The following CDH2 variants were observed in gnomAD, a reference collection of about 807,000 sequenced individuals.
CDH2 encodes the protein cadherin-2.
Under a neutral mutation model 92.0 loss-of-function variants are expected in CDH2, and 17 were observed. That is an observed-to-expected ratio of 0.18 (90% CI 0.13 to 0.28). The LOEUF (loss-of-function observed/expected upper bound fraction) is 0.28, where lower values mean the gene tolerates loss of function less well. Ranked by LOEUF, CDH2 falls within the 10% of genes least tolerant of loss-of-function variation. CDH2 has a pLI of 1.00. For missense variants in CDH2, 862 were observed against 1,133.1 expected (o/e 0.76, Z 3.44); for synonymous variants, 419 against 415.9 (o/e 1.01, Z -0.09).
At chr18:27,949,231 T>C (rs1178679080), downstream of CDH2, among the ~76,000 whole-genome samples, 1 of 152,036 alleles carries the variant, frequency 6.6e-6, no homozygotes, top group Non-Finnish European at 1.5e-5. Context: ...AGGAAGTTAC[T>C]GGCTTTTAGA....
intron 14 of CDH2, among the ~76,000 whole-genome samples, chr18:27,982,251 G>A (rs1198539068): frequency 2.0e-5 from 3 of 152,190 alleles, no homozygotes; most frequent in African/African-American, 2.4e-5. Context: ...CAGAGCAGAT[G>A]GAGATTTTTG....
At chr18:28,023,877 G>A (rs952764833) in intron 2 of CDH2, among the ~76,000 whole-genome samples, 2 of 152,030 alleles carry the variant, frequency 1.3e-5, no homozygotes, top group Admixed American at 6.6e-5. Context: ...ATGCTAACAC[G>A]GCTCCTTTTC....
At chr18:28,156,422 AATGTCACCTTCCCAGGTATAGC>A (rs1568020381) in intron 1 of CDH2, among the ~76,000 whole-genome samples, 2,250 of 118,398 alleles carry the variant, frequency 0.019, 492 homozygotes, top group African/African-American at 0.064. Flanking sequence ...CCAGGTACAG[AATGTCACCTTCCCAGGTATAGC>A]ATGTCACCTT....
Position 27,985,682 on chromosome 18 carries a change from A to G in CDH2, c.1821T>C (p.Pro607=), listed in dbSNP as rs771815480. ...GAGTTTCGCAAGTCTCTGCCTCTTG[A>G]GGTAACACTTGAGGGGCATTGTCAT... The part of the protein sequence containing the change: ...DINDNAPQVL[P]QEAETCETPD... The change falls in exon 12 of 16, where the codon CCT becomes CCC. Residue 607 remains proline, a synonymous_variant. Coordinates refer to ENST00000269141, the MANE Select transcript of CDH2 (RefSeq NM_001792.5). 3.1e-6 allele frequency: 5 copies of G among 1,613,940 alleles called. No individual in the cohort carries two copies. Among genetic ancestry groups the G allele is most frequent in the Non-Finnish European group, 4.2e-6 (5 of 1,179,826 alleles).
intron 7 of CDH2, among the ~76,000 whole-genome samples, chr18:28,001,753 C>T (rs1245521665): frequency 4.7e-4 from 72 of 152,222 alleles, no homozygotes; most frequent in Non-Finnish European, 1.5e-5. Flanking sequence ...TCAGAATAAA[C>T]TAATCTTTAT....
At chr18:28,070,791 T>A (rs2014602467) in intron 2 of CDH2, among the ~76,000 whole-genome samples, 1 of 152,180 alleles carries the variant, frequency 6.6e-6, no homozygotes, top group South Asian at 2.1e-4. Context: ...TAAGGCAGCA[T>A]GTCAGGAAAT....
At chr18:27,955,392 G>A (rs200507173) in intron 15 of CDH2, among the ~76,000 whole-genome samples, 30 of 57,840 alleles carry the variant, frequency 5.2e-4, no homozygotes, top group Admixed American at 1.2e-3. Flanking sequence ...AAAAGAAAAA[G>A]AAAGAAAAAG....
intron 2 of CDH2, among the ~76,000 whole-genome samples, chr18:28,100,191 G>A (rs1181698557): frequency 6.6e-6 from 1 of 152,040 alleles, no homozygotes; most frequent in Non-Finnish European, 1.5e-5. Context: ...GTTTTGGGAT[G>A]AAATTAACAG....
At chr18:28,096,665 G>A (rs2015140280) in intron 2 of CDH2, among the ~76,000 whole-genome samples, 1 of 152,014 alleles carries the variant, frequency 6.6e-6, no homozygotes, top group African/African-American at 2.4e-5. Flanking sequence ...ATCAAATCAG[G>A]GAAGAATGTT....
intron 14 of CDH2, 113 bp from the exon 15 acceptor site, chr18:27,963,634 T>C (rs2011466266): frequency 1.1e-6 from 1 of 880,754 alleles, no homozygotes; most frequent in Non-Finnish European, 1.7e-6. Context: ...AAATTTAACA[T>C]AATGGAAAAG....
intron 15 of CDH2, among the ~76,000 whole-genome samples, chr18:27,960,146 C>T (rs1224114211): frequency 6.6e-6 from 1 of 152,144 alleles, no homozygotes; most frequent in Non-Finnish European, 1.5e-5. Context: ...GTGCCCCATA[C>T]TGGCCCCTCC....
chr18:27,997,845 C>G (rs932530953), intron 7 of CDH2, among the ~76,000 whole-genome samples: 1 of 151,728 alleles, frequency 6.6e-6, no homozygotes, highest in Non-Finnish European at 1.5e-5. Context: ...CTCACTCTGT[C>G]GCCCAGGCTG....
At chr18:27,992,096 G>T (rs2012434247) in intron 9 of CDH2, among the ~76,000 whole-genome samples, 1 of 152,148 alleles carries the variant, frequency 6.6e-6, no homozygotes, top group Non-Finnish European at 1.5e-5. Flanking sequence ...AAATGCAAGA[G>T]CTTTCTAAAA....
chr18:28,035,513 G>C (rs914744128), intron 2 of CDH2, among the ~76,000 whole-genome samples: 1 of 151,914 alleles, frequency 6.6e-6, no homozygotes, highest in Admixed American at 6.6e-5. Context: ...TGTTAACAGA[G>C]ACCTCTCATT....
At chr18:28,079,933 G>GAA (rs1174382879) in intron 2 of CDH2, among the ~76,000 whole-genome samples, 1 of 152,120 alleles carries the variant, frequency 6.6e-6, no homozygotes, top group Non-Finnish European at 1.5e-5. Flanking sequence ...TTAGCAAGTG[G>GAA]AAACATGAGG....
At chr18:27,958,148 C>T (rs2011297372) in intron 15 of CDH2, among the ~76,000 whole-genome samples, 1 of 152,160 alleles carries the variant, frequency 6.6e-6, no homozygotes, top group South Asian at 2.1e-4. Context: ...AGGCAAGGAT[C>T]TTGACCTTGT....
intron 2 of CDH2, among the ~76,000 whole-genome samples, chr18:28,016,383 C>T (rs907039164): frequency 1.3e-5 from 2 of 152,236 alleles, no homozygotes; most frequent in Admixed American, 6.5e-5. Context: ...AAGTAGGAAA[C>T]AGATGGGAAC....
chr18:28,123,293 C>G (rs2015622495), intron 2 of CDH2, among the ~76,000 whole-genome samples: 1 of 152,074 alleles, frequency 6.6e-6, no homozygotes, highest in Non-Finnish European at 1.5e-5. Context: ...TAAGAGTTGA[C>G]AGATCACCTC....
chr18:28,016,812 CCT>C (rs2013261344), intron 2 of CDH2, among the ~76,000 whole-genome samples: 1 of 152,014 alleles, frequency 6.6e-6, no homozygotes. Context: ...CAAATTTAGA[CCT>C]CTGAGAGTAC....
Sources: gnomAD v4.1 joint callset for allele counts (sites outside exome capture counted in the v4.1 genomes callset) on GRCh38, gnomAD v4.1.1 for gene constraint, MANE v1.5 for transcripts, NCBI Gene and HGNC (gene_info 2026-07-23, HGNC 2026-07-21) for gene names.